IGF2BP1: variants seen among roughly 807,000 people sequenced by gnomAD.
IGF2BP1 encodes the protein insulin-like growth factor 2 mRNA-binding protein 1.
IGF2BP1 carries 11 observed loss-of-function variants against 74.9 expected under a neutral mutation model. The observed-to-expected ratio is 0.15, with a 90% CI of 0.09 to 0.24. The LOEUF is 0.24. IGF2BP1 is among the 10% of genes least tolerant of loss of function. The probability of loss-of-function intolerance (pLI) is 1.00; values close to 1 mark genes in which losing one functional copy is unlikely to be tolerated. For synonymous variants in IGF2BP1, 287 were observed against 281.8 expected (o/e 1.02, Z -0.18); for missense variants, 440 against 757.4 (o/e 0.58, Z 4.92).
At chr17:49,021,303 T>A (rs2041789350) in intron 2 of IGF2BP1, among the ~76,000 whole-genome samples, 1 of 152,138 alleles carries the variant, frequency 6.6e-6, no homozygotes, top group Non-Finnish European at 1.5e-5. Flanking sequence ...GGGGCCCTGC[T>A]CCCTGTGCTT....
At chr17:49,031,127 T>G (rs1273074014) in intron 4 of IGF2BP1, among the ~76,000 whole-genome samples, 1 of 152,176 alleles carries the variant, frequency 6.6e-6, no homozygotes, top group Non-Finnish European at 1.5e-5. Context: ...TTTTCTTTCT[T>G]TGTTTTTCTG....
In IGF2BP1 at chr17:48,999,197, T is replaced by TG. The variant is rs376893870; in HGVS notation, c.236+35dup. On this transcript the variant is annotated intron_variant, in intron 2 of 14. Coordinates refer to ENST00000290341, the MANE Select transcript of IGF2BP1 (RefSeq NM_006546.4). Reference sequence around the variant, plus strand: ...AGGAAAGAGCTCTTTTCGGGGGGGGTGGGGGGGCCGCGGGGGTGTGCTGTG... The same window carrying TG: ...AGGAAAGAGCTCTTTTCGGGGGGGGTGGGGGGGGCCGCGGGGGTGTGCTGTG... 553 of 307,892 alleles carry TG rather than the reference T, an allele frequency of 1.8e-3. 1 individual carries two copies. In the African/African-American group the frequency reaches 0.032, roughly 18 times the overall value. 19.1% of individuals were successfully genotyped at this position (307,892 alleles called of 1,614,324 possible).
intron 4 of IGF2BP1, 80 bp downstream of exon 4, chr17:49,026,597 T>C: frequency 8.2e-7 from 1 of 1,221,066 alleles, no homozygotes; most frequent in East Asian, 2.4e-5. Flanking sequence ...TTCACTTTGT[T>C]TCTTTCTTTT....
chr17:49,015,269 G>C (rs955332289), intron 2 of IGF2BP1, among the ~76,000 whole-genome samples: 3 of 152,140 alleles, frequency 2.0e-5, no homozygotes, highest in Non-Finnish European at 4.4e-5. Context: ...CACTTTGCCC[G>C]GCCGTGACCG....
Position 49,045,853 on chromosome 17 carries a change from T to C in IGF2BP1, c.1396-37T>C, listed in dbSNP as rs762267003. 18 of 1,605,444 alleles carry C rather than the reference T, an allele frequency of 1.1e-5. No individual in the cohort carries two copies. In the East Asian group the frequency reaches 2.0e-4, roughly 18 times the overall value. The stretch of plus-strand genomic sequence containing the variant: ...CCACTTTTCTCTTTTGTCACAGATA[T>C]ATGAACCACTGATTAACAATTACCT... On this transcript the variant is annotated intron_variant, in intron 12 of 14. Transcript: ENST00000290341.
chr17:49,031,982 G>A lies in IGF2BP1; in HGVS notation c.401+9G>A. 1.2e-6 allele frequency: 2 copies of A among 1,608,830 alleles called. No individual in the cohort carries two copies. Among genetic ancestry groups the A allele is most frequent in the Non-Finnish European group, 1.7e-6 (2 of 1,177,742 alleles). On this transcript the variant is annotated intron_variant, in intron 5 of 14. Coordinates refer to ENST00000290341, the MANE Select transcript of IGF2BP1 (RefSeq NM_006546.4). ...CGGGAGCAGACCAGGCAGTGAGTGG[G>A]CTGGGAAGTGGGGCTGGGTGCGGTG...
chr17:49,006,942 G>A (rs2041557558), intron 2 of IGF2BP1, among the ~76,000 whole-genome samples: 1 of 152,154 alleles, frequency 6.6e-6, no homozygotes, highest in Non-Finnish European at 1.5e-5. Context: ...GGGGAAACAG[G>A]CCATTTATTC....
At chr17:48,999,923 G>GGTGTGTGTGTGTGTGT (rs371605973) in intron 2 of IGF2BP1, among the ~76,000 whole-genome samples, 359 of 134,084 alleles carry the variant, frequency 2.7e-3, no homozygotes, top group Middle Eastern at 0.019. Flanking sequence ...GTGGATGAAT[G>GGTGTGTGTGTGTGTGT]GTGTGTGTGT....
intron 2 of IGF2BP1, among the ~76,000 whole-genome samples, chr17:49,001,601 T>C (rs1273418315): frequency 6.6e-6 from 1 of 152,188 alleles, no homozygotes; most frequent in Non-Finnish European, 1.5e-5. Flanking sequence ...CCGAACACTA[T>C]GCATTTCAAC....
chr17:49,042,477 C>T, intron 9 of IGF2BP1, 100 bp downstream of exon 9: 1 of 1,305,020 alleles, frequency 7.7e-7, no homozygotes, highest in African/African-American at 1.5e-5. Flanking sequence ...TGCCGTGTGG[C>T]CTTGGAGCTT....
chr17:49,050,627 A>G lies in IGF2BP1; in HGVS notation c.*1183A>G, dbSNP rs917260105. 1 of 152,224 alleles carries G rather than the reference A, an allele frequency of 6.6e-6. No homozygotes were observed. Among genetic ancestry groups the G allele is most frequent in the Admixed American group, 6.5e-5 (1 of 15,274 alleles). The allele number at this position is 152,224 out of a possible 1,614,324, so 9.4% of individuals were successfully genotyped here. ...TGGCAAATTCAGTAAATTGGAGAGT[A>G]CTTGCTTCTGTTTGTATCTGAGAGG... is the stretch of plus-strand genomic sequence containing the variant. On this transcript the variant is annotated 3_prime_UTR_variant, in exon 15 of 15. Transcript: ENST00000290341.
At chr17:48,998,015 T>A (rs1454910409) in intron 1 of IGF2BP1, 95 bp downstream of exon 1, 1 of 1,431,470 alleles carries the variant, frequency 7.0e-7, no homozygotes. Flanking sequence ...ACTCCTCTCT[T>A]CCCGGGCCTG....
At position 49,049,498 on chromosome 17, in the gene IGF2BP1, G is replaced by A. The variant is rs949936610; in HGVS notation, c.*54G>A. 2 of 1,488,868 alleles carry A rather than the reference G, an allele frequency of 1.3e-6. No homozygotes were observed. Among genetic ancestry groups the A allele is most frequent in the South Asian group, 1.1e-5 (1 of 87,146 alleles). The allele number at this position is 1,488,868 out of a possible 1,614,324, so 92.2% of individuals were successfully genotyped here. On this transcript the variant is annotated 3_prime_UTR_variant, in exon 15 of 15. Transcript: ENST00000290341. ...GGACAACAACGGGCAGAAATCGAGA[G>A]TGTGCTCTCCCCGGCAGGCCTGAGA...
intron 2 of IGF2BP1, among the ~76,000 whole-genome samples, chr17:48,999,637 C>A (rs1598117884): frequency 6.6e-6 from 1 of 151,954 alleles, no homozygotes; most frequent in Non-Finnish European, 1.5e-5. Flanking sequence ...ATGAGTTTCC[C>A]GGCCCCCAAA....
In IGF2BP1 at chr17:49,046,329, G is replaced by A. The variant is rs973944510; in HGVS notation, c.1597G>A (p.Asp533Asn). The change falls in exon 14 of 15, where the codon GAC (aspartate) becomes AAC (asparagine). Residue 533 changes from aspartate (D) to asparagine (N), a missense_variant. By Grantham distance (23) the Asp-to-Asn change is conservative (BLOSUM62 1). This residue lies in a region of IGF2BP1 where 117 missense variants were observed against 237.2 expected (regional missense o/e 0.49). Coordinates refer to ENST00000290341, the MANE Select transcript of IGF2BP1 (RefSeq NM_006546.4). ...AAGAGACCAGACCCCTGATGAGAAC[G>A]ACCAGGTCATCGTGAAAATCATCGG... ...VPRDQTPDEN[D>N]QVIVKIIGHF... 3.1e-6 allele frequency: 5 copies of A among 1,613,976 alleles called. No homozygotes were observed. In the African/African-American group the frequency reaches 5.3e-5, roughly 17 times the overall value.
chr17:49,055,458 C>T lies in IGF2BP1; in HGVS notation c.*6014C>T. 2.7e-6 allele frequency: 1 copy of T among 377,044 alleles called. No individual in the cohort carries two copies. The highest frequency in any genetic ancestry group is 4.5e-5 in the Admixed American group (1 of 21,984). 23.4% of individuals were successfully genotyped at this position (377,044 alleles called of 1,614,324 possible). On this transcript the variant is annotated 3_prime_UTR_variant, in exon 15 of 15. Transcript: ENST00000290341. ...GTCCCCCCTCCCCTGCCAATAAGCT[C>T]CCCCAGGAATAAAGGCTTTGTTTTG...
chr17:49,007,099 G>A (rs1278979607), intron 2 of IGF2BP1, among the ~76,000 whole-genome samples: 1 of 152,116 alleles, frequency 6.6e-6, no homozygotes, highest in Non-Finnish European at 1.5e-5. Context: ...TAAGAATTCA[G>A]GATGAAGGGG....
chr17:49,016,593 CGT>C (rs2041706556), intron 2 of IGF2BP1, among the ~76,000 whole-genome samples: 1 of 152,130 alleles, frequency 6.6e-6, no homozygotes, highest in Non-Finnish European at 1.5e-5. Flanking sequence ...GGAGGCAGTG[CGT>C]GTATGCCACA....
At chr17:49,032,301 G>C (rs1357600277) in intron 5 of IGF2BP1, among the ~76,000 whole-genome samples, 3 of 152,132 alleles carry the variant, frequency 2.0e-5, no homozygotes, top group Non-Finnish European at 4.4e-5. Flanking sequence ...GTCTCTGGTT[G>C]CTCCAGGACC....
Sources: gnomAD v4.1 joint callset for allele counts (sites outside exome capture counted in the v4.1 genomes callset) on GRCh38, gnomAD v4.1.1 for gene constraint, gnomAD v4.1.1 regional missense constraint, MANE v1.5 for transcripts, NCBI Gene and HGNC (gene_info 2026-07-23, HGNC 2026-07-21) for gene names.